The following ATP8A1 variants were observed in gnomAD, a reference collection of about 807,000 sequenced individuals.
ATP8A1 encodes the protein ATPase phospholipid transporting 8A1, also known as phospholipid-transporting ATPase IA.
In ATP8A1, 90 loss-of-function variants were observed where a neutral mutation model predicts 177.7. The observed-to-expected ratio is 0.51, with a 90% CI of 0.43 to 0.60. The LOEUF (loss-of-function observed/expected upper bound fraction) is 0.60, where lower values mean the gene tolerates loss of function less well. Ranked by LOEUF, ATP8A1 falls within the 20% of genes least tolerant of loss-of-function variation. The probability of loss-of-function intolerance (pLI) is 0.00; values close to 1 mark genes in which losing one functional copy is unlikely to be tolerated. For synonymous variants in ATP8A1, 493 were observed against 485.9 expected (o/e 1.01, Z -0.19); for missense variants, 1,072 against 1,392.8 (o/e 0.77, Z 3.67).
intron 8 of ATP8A1, 51 bp from the exon 9 acceptor site, chr4:42,586,527 G>T: frequency 6.4e-7 from 1 of 1,555,254 alleles, no homozygotes; most frequent in South Asian, 1.2e-5. Flanking sequence ...AGTTGTATCT[G>T]GGCAAAGAGG....
chr4:42,606,412 G>A (rs989023692), intron 5 of ATP8A1, among the ~76,000 whole-genome samples: 3 of 152,144 alleles, frequency 2.0e-5, no homozygotes, highest in Non-Finnish European at 2.9e-5. Context: ...TTCCAGTGGC[G>A]TCTTTTCTAC....
At chr4:42,423,774 G>T in intron 33 of ATP8A1, 69 bp from the exon 34 acceptor site, 2 of 1,016,322 alleles carry the variant, frequency 2.0e-6, no homozygotes, top group South Asian at 1.5e-5. Flanking sequence ...TAGTTTTTAT[G>T]TATTTTTAAG....
chr4:42,559,861 A>T (rs1730633729), intron 15 of ATP8A1, among the ~76,000 whole-genome samples: 1 of 151,928 alleles, frequency 6.6e-6, no homozygotes, highest in Admixed American at 6.6e-5. Context: ...ATGTGTCATC[A>T]CTCTTGGCTA....
intron 20 of ATP8A1, among the ~76,000 whole-genome samples, chr4:42,537,611 A>G (rs1209547685): frequency 1.3e-5 from 2 of 152,236 alleles, no homozygotes; most frequent in Non-Finnish European, 2.9e-5. Context: ...TAGCTCTGCT[A>G]TACACCAACA....
intron 1 of ATP8A1, among the ~76,000 whole-genome samples, chr4:42,636,609 G>A (rs1739418960): frequency 6.6e-6 from 1 of 152,162 alleles, no homozygotes. Context: ...AGTAGCCAGA[G>A]GAAAAATGGA....
chr4:42,647,394 A>G (rs1173877909), intron 1 of ATP8A1, among the ~76,000 whole-genome samples: 1 of 152,196 alleles, frequency 6.6e-6, no homozygotes, highest in Non-Finnish European at 1.5e-5. Context: ...CACATGAAAT[A>G]GTACAAATTG....
chr4:42,573,575 A>G (rs557813400), intron 14 of ATP8A1, among the ~76,000 whole-genome samples: 6 of 152,290 alleles, frequency 3.9e-5, no homozygotes. Flanking sequence ...CAGTGTGAAA[A>G]AGCCACTCAA....
chr4:42,495,345 ACTTG>A (rs1322874076), intron 24 of ATP8A1, among the ~76,000 whole-genome samples: 1 of 152,238 alleles, frequency 6.6e-6, no homozygotes, highest in African/African-American at 2.4e-5. Flanking sequence ...ATTGGGTATT[ACTTG>A]CTTTTCTACA....
chr4:42,444,225 T>C (rs1716964612), intron 32 of ATP8A1, among the ~76,000 whole-genome samples: 1 of 152,196 alleles, frequency 6.6e-6, no homozygotes, highest in East Asian at 1.9e-4. Flanking sequence ...CAGAATCACT[T>C]TCCAATGGGT....
intron 15 of ATP8A1, among the ~76,000 whole-genome samples, chr4:42,568,107 A>G (rs1169279489): frequency 6.6e-6 from 1 of 152,226 alleles, no homozygotes; most frequent in Non-Finnish European, 1.5e-5. Flanking sequence ...ACATTTAAAA[A>G]TATTAAAAAT....
chr4:42,452,000 T>A lies in ATP8A1; in HGVS notation c.2877A>T (p.Pro959=). The A allele has an allele frequency of 1.2e-6, 2 of 1,613,050 alleles. No homozygotes were observed. The highest frequency in any genetic ancestry group is 1.1e-5 in the South Asian group (1 of 90,964). Residue 959 remains proline (P), a synonymous_variant, in exon 30 of 37, where the codon CCA becomes CCT. Coordinates refer to ENST00000381668, the MANE Select transcript of ATP8A1 (RefSeq NM_006095.2). ...LFHSVILFWF[P]LKALQYGTAF... ...ACTTACCATACTGAAGGGCTTTTAG[T>A]GGAAACCAAAACAGAATAACTGAGT... is the stretch of plus-strand genomic sequence containing the variant.
intron 6 of ATP8A1, among the ~76,000 whole-genome samples, chr4:42,599,216 C>A (rs894439513): frequency 6.6e-6 from 1 of 152,078 alleles, no homozygotes; most frequent in African/African-American, 2.4e-5. Flanking sequence ...TATTAGCATG[C>A]ATATTTATGT....
intron 20 of ATP8A1, among the ~76,000 whole-genome samples, chr4:42,538,991 A>T (rs1412599840): frequency 1.3e-5 from 2 of 152,228 alleles, no homozygotes; most frequent in Non-Finnish European, 1.5e-5. Flanking sequence ...AATTGCAAAA[A>T]TATGGAGCCA....
intron 25 of ATP8A1, among the ~76,000 whole-genome samples, chr4:42,480,191 T>A (rs1223536648): frequency 6.6e-6 from 1 of 152,184 alleles, no homozygotes; most frequent in African/African-American, 2.4e-5. Flanking sequence ...GTGGTCATCA[T>A]AATTGGCTAA....
rs970799351 is a variant in ATP8A1, at chr4:42,444,732, T to C, written c.2959-98A>G. ...AAGAACAGAGATCTCTGAATGTAAC[T>C]ATGGGACTAGGAGACTGCTGCTTGC... On this transcript the variant is annotated intron_variant, in intron 31 of 36. Transcript: ENST00000381668. The C allele has an allele frequency of 4.5e-5, 55 of 1,224,210 alleles. No homozygotes were observed. In the East Asian group the frequency reaches 1.3e-3, roughly 29 times the overall value. 75.8% of individuals were successfully genotyped at this position (1,224,210 alleles called of 1,614,324 possible). A position where few individuals can be genotyped will look rare whatever the true frequency, so the allele number is the denominator to read the frequency against.
In ATP8A1 at chr4:42,552,556, C is replaced by T. The variant is rs1253173180; in HGVS notation, c.1468G>A (p.Ala490Thr). 6.2e-7 allele frequency: 1 copy of T among 1,613,730 alleles called. No homozygotes were observed. Among genetic ancestry groups the T allele is most frequent in the South Asian group, 1.1e-5 (1 of 91,004 alleles). Residue 490 changes from alanine (A) to threonine (T), a missense_variant, in exon 17 of 37, where the codon GCA becomes ACA. Transcript: ENST00000381668. Reference protein sequence around the residue: ...FLTMMAVCHTAVPEREGDKII... With the variant: ...FLTMMAVCHTTVPEREGDKII... ...TTGTCACCTTCTCGCTCTGGCACTGCTGTGTGACAGACTGCCATCATTGTA... is the reference window on the plus strand; with the variant it reads ...TTGTCACCTTCTCGCTCTGGCACTGTTGTGTGACAGACTGCCATCATTGTA...
chr4:42,414,555 G>A, intron 36 of ATP8A1, 72 bp downstream of exon 36: 1 of 1,305,942 alleles, frequency 7.7e-7, no homozygotes. Flanking sequence ...CCTAAAGTCA[G>A]GATACTGTAT....
At chr4:42,536,386 C>T (rs1352067408) in intron 20 of ATP8A1, among the ~76,000 whole-genome samples, 1 of 152,114 alleles carries the variant, frequency 6.6e-6, no homozygotes, top group Non-Finnish European at 1.5e-5. Context: ...TGGAAATATA[C>T]AACCCTCCTA....
At chr4:42,643,568 C>T (rs1740221377) in intron 1 of ATP8A1, among the ~76,000 whole-genome samples, 1 of 152,094 alleles carries the variant, frequency 6.6e-6, no homozygotes, top group Non-Finnish European at 1.5e-5. Context: ...TGAATCTTGA[C>T]CACTCCCCAT....
Sources: gnomAD v4.1 joint callset for allele counts (sites outside exome capture counted in the v4.1 genomes callset) on GRCh38, gnomAD v4.1.1 for gene constraint, MANE v1.5 for transcripts, NCBI Gene and HGNC (gene_info 2026-07-23, HGNC 2026-07-21) for gene names.